Variants in RBM20 observed in about 807,000 individuals in gnomAD.
RBM20 encodes RNA-binding protein 20.
RBM20 carries 51 observed loss-of-function variants against 110.1 expected under a neutral mutation model. That is an observed-to-expected ratio of 0.46 (90% CI 0.37 to 0.59). The LOEUF is 0.59. Ranked by LOEUF, RBM20 falls within the 20% of genes least tolerant of loss-of-function variation. The probability of loss-of-function intolerance (pLI) is 0.00; values close to 1 mark genes in which losing one functional copy is unlikely to be tolerated. For synonymous variants in RBM20, 589 were observed against 618.2 expected (o/e 0.95, Z 0.70); for missense variants, 1,512 against 1,574.9 (o/e 0.96, Z 0.68).
intron 1 of RBM20, among the ~76,000 whole-genome samples, chr10:110,651,385 C>G (rs921539618): frequency 6.6e-6 from 1 of 152,174 alleles, no homozygotes; most frequent in African/African-American, 2.4e-5. Context: ...AAAATAAACA[C>G]TAATGTCAGT....
chr10:110,813,474 C>T (rs1381765396), intron 9 of RBM20, among the ~76,000 whole-genome samples: 1 of 152,166 alleles, frequency 6.6e-6, no homozygotes, highest in Non-Finnish European at 1.5e-5. Flanking sequence ...AAGGAGAAGC[C>T]GTCACCACCT....
chr10:110,727,017 T>G (rs112630649), intron 1 of RBM20, among the ~76,000 whole-genome samples: 3,356 of 152,164 alleles, frequency 0.022, 120 homozygotes, highest in African/African-American at 0.077. Context: ...CGGCTGATTT[T>G]TTGTGTTTTT....
intron 1 of RBM20, among the ~76,000 whole-genome samples, chr10:110,688,134 C>A (rs1862533034): frequency 6.6e-6 from 1 of 151,856 alleles, no homozygotes; most frequent in Non-Finnish European, 1.5e-5. Flanking sequence ...AAATATTATT[C>A]ATTTGGAATC....
intron 7 of RBM20, among the ~76,000 whole-genome samples, chr10:110,801,496 T>A (rs530389280): frequency 6.3e-4 from 96 of 152,198 alleles, no homozygotes; most frequent in African/African-American, 2.2e-3. Context: ...ACTTTTAAAT[T>A]TTTGCCTGTC....
rs1844520218 is a variant in RBM20 at position 110,794,211 on chromosome 10, C to T, written c.1528-3297C>T. On this transcript the variant is annotated intron_variant, in intron 5 of 13. Coordinates refer to ENST00000369519, the MANE Select transcript of RBM20 (RefSeq NM_001134363.3). ...TGAGAATAGAATAGAGTGAAAACAGCTACTATTCTACATCTTGTATGAATC... is the reference window on the plus strand; with the variant it reads ...TGAGAATAGAATAGAGTGAAAACAGTTACTATTCTACATCTTGTATGAATC... Among the ~76,000 whole-genome samples the T allele has an allele frequency of 2.0e-5, 3 of 152,196 alleles. No individual in the cohort carries two copies. The South Asian group carries it at 6.2e-4, about 31-fold the overall frequency.
intron 7 of RBM20, among the ~76,000 whole-genome samples, chr10:110,809,293 A>G (rs1453322321): frequency 1.3e-5 from 2 of 151,718 alleles, no homozygotes; most frequent in Non-Finnish European, 2.9e-5. Context: ...ATTAAATTTA[A>G]TAAAACTCAT....
intron 1 of RBM20, among the ~76,000 whole-genome samples, chr10:110,661,537 A>C (rs1345708297): frequency 2.0e-5 from 3 of 152,230 alleles, no homozygotes; most frequent in African/African-American, 4.8e-5. Context: ...TCCCAATACT[A>C]TTCGGACCAT....
intron 1 of RBM20, among the ~76,000 whole-genome samples, chr10:110,767,332 G>T (rs1413259271): frequency 6.9e-6 from 1 of 145,444 alleles, no homozygotes; most frequent in Non-Finnish European, 1.5e-5. Flanking sequence ...CGGCTAGCCG[G>T]GTGGGGGGCT....
intron 1 of RBM20, among the ~76,000 whole-genome samples, chr10:110,768,645 A>T (rs954388904): frequency 6.6e-6 from 1 of 152,220 alleles, no homozygotes; most frequent in Non-Finnish European, 1.5e-5. Flanking sequence ...CAGTTGAACC[A>T]GTATTTGTTC....
At chr10:110,808,716 T>C (rs1365856126) in intron 7 of RBM20, among the ~76,000 whole-genome samples, 3 of 152,162 alleles carry the variant, frequency 2.0e-5, no homozygotes, top group Non-Finnish European at 4.4e-5. Context: ...CCTCTCTCCC[T>C]GAAACTGCAG....
intron 1 of RBM20, among the ~76,000 whole-genome samples, chr10:110,751,089 T>C (rs1268900180): frequency 6.6e-6 from 1 of 152,218 alleles, no homozygotes; most frequent in Non-Finnish European, 1.5e-5. Flanking sequence ...GGTTTTCCAC[T>C]GGGGCTACAT....
chr10:110,700,272 G>A lies in RBM20; in HGVS notation c.191+55627G>A, dbSNP rs943882749. On this transcript the variant is annotated intron_variant, in intron 1 of 13. Transcript: ENST00000369519. Reference sequence around the variant, plus strand: ...GCATGAACACCAGACAAGGTTGGCTGGGTTTATAGGTGCTACATTTTTTCA... The same window carrying A: ...GCATGAACACCAGACAAGGTTGGCTAGGTTTATAGGTGCTACATTTTTTCA... 2.0e-5 allele frequency among the ~76,000 whole-genome samples: 3 copies of A among 152,128 alleles called. No individual in the cohort carries two copies. In the South Asian group the frequency reaches 6.2e-4, roughly 32 times the overall value.
rs1843701959 is a variant in RBM20, at chr10:110,739,168, G to A, written c.192-41633G>A. On this transcript the variant is annotated intron_variant, in intron 1 of 13. Transcript: ENST00000369519. This position sits in a 1 kb window ranked among gnomAD's most constrained non-coding sequence, Gnocchi z 4.1. ...CAGGTCCTCCTGAGGACCAAGGCCTGCATAGTCTGATTTATGCTATATGTA... is the reference window on the plus strand; with the variant it reads ...CAGGTCCTCCTGAGGACCAAGGCCTACATAGTCTGATTTATGCTATATGTA... Among the ~76,000 whole-genome samples, 1 of 152,186 alleles carries A rather than the reference G, an allele frequency of 6.6e-6. No homozygotes were observed. Among genetic ancestry groups the A allele is most frequent in the African/African-American group, 2.4e-5 (1 of 41,434 alleles).
At position 110,812,849 on chromosome 10, in the gene RBM20, G is replaced by T. The variant is rs200271618; in HGVS notation, c.2452G>T (p.Ala818Ser). ...AAAGGTCACTAGGGCCCCTGAGGGC[G>T]CCAAGGCCAAGCAGAATGAGAAAAA... ...GPKVTRAPEG[A>S]KAKQNEKNKT... Residue 818 changes from alanine to serine, a missense_variant, in exon 9 of 14, where the codon GCC (alanine) becomes TCC (serine). This residue lies in a region of RBM20 where 1,149 missense variants were observed against 1,169.4 expected (regional missense o/e 0.98). Coordinates refer to ENST00000369519, the MANE Select transcript of RBM20 (RefSeq NM_001134363.3). 1.8e-4 allele frequency: 269 copies of T among 1,510,726 alleles called. No homozygotes were observed. The highest frequency in any genetic ancestry group is 1.9e-4 in the Non-Finnish European group (216 of 1,129,632). The allele number at this position is 1,510,726 out of a possible 1,614,324, so 93.6% of individuals were successfully genotyped here. A position where few individuals can be genotyped will look rare whatever the true frequency, so the allele number is the denominator to read the frequency against.
chr10:110,709,354 G>A (rs563705451), intron 1 of RBM20, among the ~76,000 whole-genome samples: 7 of 152,244 alleles, frequency 4.6e-5, no homozygotes, highest in African/African-American at 1.2e-4. Flanking sequence ...GGGCAACCCC[G>A]CAGGCATGCT....
intron 1 of RBM20, among the ~76,000 whole-genome samples, chr10:110,749,931 TA>T (rs1158454339): frequency 6.6e-6 from 1 of 152,062 alleles, no homozygotes; most frequent in East Asian, 1.9e-4. Context: ...CCTGAGAGGT[TA>T]AAAAGAATTC....
intron 9 of RBM20, among the ~76,000 whole-genome samples, chr10:110,817,151 GA>G (rs1270708701): frequency 6.6e-6 from 1 of 152,234 alleles, no homozygotes; most frequent in Non-Finnish European, 1.5e-5. Flanking sequence ...CCAGGCTAAT[GA>G]CAAGTGGAGC....
At chr10:110,737,177 C>CAAAAAAAAAAAAGAAAAAAAAAAA (rs1843679626) in intron 1 of RBM20, among the ~76,000 whole-genome samples, 1 of 26,620 alleles carries the variant, frequency 3.8e-5, no homozygotes, top group Non-Finnish European at 7.0e-5. Context: ...AACTCTGCCT[C>CAAAAAAAAAAAAGAAAAAAAAAAA]AAAAAAAAAA....
At chr10:110,829,862 C>G (rs1249713407) in intron 12 of RBM20, among the ~76,000 whole-genome samples, 2 of 152,158 alleles carry the variant, frequency 1.3e-5, no homozygotes, top group East Asian at 3.9e-4. Flanking sequence ...TTCCTTCTAC[C>G]CAGGATGGCC....
Sources: gnomAD v4.1 joint callset for allele counts (sites outside exome capture counted in the v4.1 genomes callset) on GRCh38, gnomAD v4.1.1 for gene constraint, gnomAD v4.1.1 regional missense constraint, Gnocchi (gnomAD v3.1) non-coding constraint, MANE v1.5 for transcripts, NCBI Gene and HGNC (gene_info 2026-07-23, HGNC 2026-07-21) for gene names.